ICAM1: variants seen among roughly 807,000 people sequenced by gnomAD.
The protein encoded by ICAM1 is ICAM-1.
Under a neutral mutation model 42.3 loss-of-function variants are expected in ICAM1, and 28 were observed. The ratio of observed to expected loss-of-function variants is 0.66; its 90% confidence interval spans 0.49 to 0.91. The LOEUF is 0.91. ICAM1 is among the 40% of genes least tolerant of loss of function. The pLI, the probability that ICAM1 is intolerant of heterozygous loss-of-function variation, is 0.00. For missense variants in ICAM1, 637 were observed against 688.6 expected, an observed-to-expected ratio of 0.93 and a Z score of 0.84; for synonymous variants, 304 against 305.9, an observed-to-expected ratio of 0.99 and a Z score of 0.07.
chr19:10,273,835 G>A (rs1237318550), intron 1 of ICAM1, among the ~76,000 whole-genome samples: 4 of 151,728 alleles, frequency 2.6e-5, no homozygotes, highest in South Asian at 2.1e-4. Flanking sequence ...CCGACGTGGC[G>A]AAACCCCGTC....
intron 2 of ICAM1, 21 bp from the exon 3 acceptor site, chr19:10,283,460 C>T (rs1219910699): frequency 6.5e-7 from 1 of 1,529,710 alleles, no homozygotes; most frequent in East Asian, 2.3e-5. Context: ...ACCAGACACC[C>T]CCACCTCTGT....
At position 10,284,515 on chromosome 19, in the gene ICAM1, AGCCCAGCCACTGGGCCCGAGG is replaced by A. The variant is rs775039982; in HGVS notation, c.1046_1066del (p.Pro349_Gln355del). 9 of 1,613,900 alleles carry A rather than the reference AGCCCAGCCACTGGGCCCGAGG, an allele frequency of 5.6e-6. No individual in the cohort carries two copies. In the Admixed American group the frequency reaches 1.5e-4, roughly 27 times the overall value. On this transcript the variant is annotated inframe_deletion, in exon 5 of 7. Coordinates refer to ENST00000264832, the MANE Select transcript of ICAM1 (RefSeq NM_000201.3). This position sits in a 1 kb window ranked among gnomAD's most constrained non-coding sequence, Gnocchi z 5.4. ...CCAAGGTGACGCTGAATGGGGTTCC[AGCCCAGCCACTGGGCCCGAGG>A]GCCCAGCTCCTGCTGAAGGCCACCC... is the stretch of plus-strand genomic sequence containing the variant.
rs374002457 is a variant in ICAM1 at position 10,284,372 on chromosome 19, C to T, written c.926-31C>T. The T allele has an allele frequency of 1.2e-6, 2 of 1,611,774 alleles. No individual in the cohort carries two copies. The highest frequency in any genetic ancestry group is 1.7e-4 in the Middle Eastern group (1 of 6,058). On this transcript the variant is annotated intron_variant, in intron 4 of 6. Transcript: ENST00000264832. This position sits in a 1 kb window ranked among gnomAD's most constrained non-coding sequence, Gnocchi z 5.4. ...GCTTCTTGGGGGTGTGACCTGAACC[C>T]GGGGCGGGGCTCACTGTGTGCCTAT...
chr19:10,272,061 G>A (rs981633631), intron 1 of ICAM1, among the ~76,000 whole-genome samples: 6 of 152,160 alleles, frequency 3.9e-5, no homozygotes, highest in Non-Finnish European at 2.9e-5. Context: ...CCAGGCGGGC[G>A]AATCACTTAA....
chr19:10,275,962 C>T (rs556581720), intron 2 of ICAM1, among the ~76,000 whole-genome samples: 1 of 151,088 alleles, frequency 6.6e-6, no homozygotes, highest in Non-Finnish European at 1.5e-5. Context: ...CCCGCCTCGG[C>T]CTCCCAAAGT....
intron 1 of ICAM1, among the ~76,000 whole-genome samples, chr19:10,273,357 T>G (rs539872638): frequency 6.6e-6 from 1 of 152,086 alleles, no homozygotes; most frequent in East Asian, 1.9e-4. Flanking sequence ...CCGGGCGTGG[T>G]GGCGCATGCC....
At position 10,284,577 on chromosome 19, in the gene ICAM1, G is replaced by T. The variant is rs146000551; in HGVS notation, c.1100G>T (p.Arg367Leu). 1.2e-6 allele frequency: 2 copies of T among 1,614,174 alleles called. No homozygotes were observed. Among genetic ancestry groups the T allele is most frequent in the East Asian group, 2.2e-5 (1 of 44,882 alleles). The change falls in exon 5 of 7, where the codon CGC becomes CTC. Residue 367 changes from arginine (R) to leucine (L), a missense_variant. Physicochemically the swap from Arg to Leu is moderately radical, Grantham distance 102 (BLOSUM62 -2). Coordinates refer to ENST00000264832, the MANE Select transcript of ICAM1 (RefSeq NM_000201.3). This position sits in a 1 kb window ranked among gnomAD's most constrained non-coding sequence, Gnocchi z 5.4. Reference protein sequence around the residue: ...LLKATPEDNGRSFSCSATLEV... With the variant: ...LLKATPEDNGLSFSCSATLEV... ...AAGGCCACCCCAGAGGACAACGGGC[G>T]CAGCTTCTCCTGCTCTGCAACCCTG...
rs1349773474 is a variant in ICAM1, at chr19:10,285,502, A to G, written c.*215A>G. 1 of 563,146 alleles carries G rather than the reference A, an allele frequency of 1.8e-6. No homozygotes were observed. The highest frequency in any genetic ancestry group is 3.3e-5 in the Admixed American group (1 of 30,050). 34.9% of individuals were successfully genotyped at this position (563,146 alleles called of 1,614,324 possible). A position where few individuals can be genotyped will look rare whatever the true frequency, so the allele number is the denominator to read the frequency against. ...GGCCACGCATCTGATCTGTAGTCAC[A>G]TGACTAAGCCAAGAGGAAGGAGCAA... On this transcript the variant is annotated 3_prime_UTR_variant, in exon 7 of 7. Coordinates refer to ENST00000264832, the MANE Select transcript of ICAM1 (RefSeq NM_000201.3).
At position 10,283,060 on chromosome 19, in the gene ICAM1, C is replaced by G. The variant is rs115438645; in HGVS notation, c.332-421C>G. ...TAAAAATAAAAATACAAAAATTAAC[C>G]TGGTGTGGTGGTGTGTGCCTGTAAT... On this transcript the variant is annotated intron_variant, in intron 2 of 6. Transcript: ENST00000264832. 6.8e-3 allele frequency: 1,054 copies of G among 155,190 alleles called. 7 individuals are homozygous for G. Among genetic ancestry groups the G allele is most frequent in the African/African-American group, 0.024 (995 of 41,374 alleles). The allele number at this position is 155,190 out of a possible 1,614,324, so 9.6% of individuals were successfully genotyped here.
At chr19:10,275,865 GC>G (rs1254309524) in intron 2 of ICAM1, among the ~76,000 whole-genome samples, 2 of 151,606 alleles carry the variant, frequency 1.3e-5, no homozygotes, top group African/African-American at 2.4e-5. Flanking sequence ...CTGCCACCAT[GC>G]CCGGCTCATT....
chr19:10,280,331 A>G (rs538824414), intron 2 of ICAM1, among the ~76,000 whole-genome samples: 1 of 151,856 alleles, frequency 6.6e-6, no homozygotes, highest in African/African-American at 2.4e-5. Context: ...ATATATATAT[A>G]TATTTTTTTG....
intron 1 of ICAM1, 26 bp downstream of exon 1, chr19:10,271,252 G>A: frequency 6.2e-7 from 1 of 1,607,630 alleles, no homozygotes; most frequent in East Asian, 2.2e-5. Context: ...GATTGCCGTC[G>A]GGCCAGTTCT....
intron 1 of ICAM1, among the ~76,000 whole-genome samples, chr19:10,271,668 G>A (rs1470905548): frequency 6.6e-6 from 1 of 152,154 alleles, no homozygotes; most frequent in East Asian, 1.9e-4. Flanking sequence ...GCAGCACCTG[G>A]CCCCAGGACT....
intron 2 of ICAM1, among the ~76,000 whole-genome samples, chr19:10,278,548 C>CTTTTTGT (rs2040032446): frequency 2.4e-5 from 1 of 41,746 alleles, no homozygotes. Flanking sequence ...CCTGATAGGT[C>CTTTTTGT]TTTTTTTTTT....
chr19:10,276,576 A>G (rs898790293), intron 2 of ICAM1, among the ~76,000 whole-genome samples: 17 of 150,976 alleles, frequency 1.1e-4, no homozygotes, highest in African/African-American at 4.1e-4. Context: ...AATTGATAAC[A>G]GCTGTGCTGC....
chr19:10,274,910 G>C lies in ICAM1; in HGVS notation c.213G>C (p.Leu71=), dbSNP rs143731465. 3 of 1,614,130 alleles carry C rather than the reference G, an allele frequency of 1.9e-6. No homozygotes were observed. Among genetic ancestry groups the C allele is most frequent in the Admixed American group, 3.3e-5 (2 of 59,996 alleles). Residue 71 remains leucine (L), a synonymous_variant, in exon 2 of 7, where the codon CTG becomes CTC. Coordinates refer to ENST00000264832, the MANE Select transcript of ICAM1 (RefSeq NM_000201.3). The part of the protein sequence containing the change: ...ETPLPKKELL[L]PGNNRKVYEL... ...CGTTGCCTAAAAAGGAGTTGCTCCTGCCTGGGAACAACCGGAAGGTGTATG... is the reference window on the plus strand; with the variant it reads ...CGTTGCCTAAAAAGGAGTTGCTCCTCCCTGGGAACAACCGGAAGGTGTATG...
At position 10,284,566 on chromosome 19, in the gene ICAM1, G is replaced by T. The variant is rs1267923581; in HGVS notation, c.1089G>T (p.Glu363Asp). ...RAQLLLKATP[E>D]DNGRSFSCSA... ...AGCTCCTGCTGAAGGCCACCCCAGA[G>T]GACAACGGGCGCAGCTTCTCCTGCT... Residue 363 changes from glutamate to aspartate, a missense_variant, in exon 5 of 7, where the codon GAG (glutamate) becomes GAT (aspartate). By Grantham distance (45) the Glu-to-Asp change is conservative (BLOSUM62 2). Coordinates refer to ENST00000264832, the MANE Select transcript of ICAM1 (RefSeq NM_000201.3). The surrounding 1 kb of genome is among the most constrained non-coding windows in gnomAD (Gnocchi z 5.4). 6.2e-7 allele frequency: 1 copy of T among 1,614,052 alleles called. No homozygotes were observed. The highest frequency in any genetic ancestry group is 2.2e-5 in the East Asian group (1 of 44,890).
chr19:10,281,151 G>T (rs527627921), intron 2 of ICAM1, among the ~76,000 whole-genome samples: 1 of 151,704 alleles, frequency 6.6e-6, no homozygotes. Flanking sequence ...GGGATTACAG[G>T]CGTGAGCCAC....
chr19:10,271,354 G>T, intron 1 of ICAM1, 128 bp downstream of exon 1: 1 of 755,188 alleles, frequency 1.3e-6, no homozygotes, highest in South Asian at 1.8e-5. Context: ...GCGATTGAAA[G>T]GCAACAGCCA....
Sources: allele counts gnomAD v4.1 joint callset (sites outside exome capture counted in the v4.1 genomes callset), GRCh38; gene constraint gnomAD v4.1.1; non-coding constraint Gnocchi (gnomAD v3.1); transcripts MANE v1.5; gene names NCBI Gene and HGNC (gene_info 2026-07-23, HGNC 2026-07-21).